The following B3GALNT1 variants were observed in gnomAD, a reference collection of about 807,000 sequenced individuals.
The protein encoded by B3GALNT1 is beta-1,3-N-acetylgalactosaminyltransferase 1 (Globoside blood group).
A neutral mutation model predicts 27.3 loss-of-function variants in B3GALNT1; 17 were observed. The ratio of observed to expected loss-of-function variants is 0.62; its 90% confidence interval spans 0.43 to 0.94. The LOEUF (loss-of-function observed/expected upper bound fraction) is 0.94, where lower values mean the gene tolerates loss of function less well. Among genes scored for constraint, B3GALNT1 ranks in the 40% least tolerant of loss-of-function variants. The probability of loss-of-function intolerance (pLI) is 0.00; values close to 1 mark genes in which losing one functional copy is unlikely to be tolerated. For synonymous variants in B3GALNT1, 141 were observed against 144.0 expected (o/e 0.98, Z 0.15); for missense variants, 347 against 390.0 (o/e 0.89, Z 0.93).
intron 4 of B3GALNT1, among the ~76,000 whole-genome samples, chr3:161,089,188 A>C (rs1282289019): frequency 6.6e-6 from 1 of 152,164 alleles, no homozygotes; most frequent in Non-Finnish European, 1.5e-5. Flanking sequence ...TGAAGATATT[A>C]ATATAGTGCA....
intron 4 of B3GALNT1, among the ~76,000 whole-genome samples, chr3:161,097,399 T>G (rs1728780877): frequency 6.6e-6 from 1 of 152,142 alleles, no homozygotes; most frequent in South Asian, 2.1e-4. Flanking sequence ...TGCTCCTAAC[T>G]CCCAAATGTG....
chr3:161,086,437 A>G lies in B3GALNT1; in HGVS notation c.318T>C (p.Ser106=). ...ATGTAAGAACCTCATATCCCCACCA[A>G]GACTTTTTTTCACCCCAAGTAACTC... The part of the protein sequence containing the change: ...AIRVTWGEKK[S]WWGYEVLTFF... Residue 106 remains serine (S), a synonymous_variant, in exon 5 of 5, where the codon TCT becomes TCC. Transcript: ENST00000320474. 4 of 1,613,980 alleles carry G rather than the reference A, an allele frequency of 2.5e-6. No individual in the cohort carries two copies. The highest frequency in any genetic ancestry group is 1.3e-5 in the African/African-American group (1 of 75,058).
chr3:161,084,260 G>A lies in B3GALNT1; in HGVS notation c.*1499C>T, dbSNP rs1245483548. On this transcript the variant is annotated 3_prime_UTR_variant, in exon 5 of 5. Transcript: ENST00000320474. Reference sequence around the variant, plus strand: ...AACAAGGGCATAGATCGATTCTATAGAATATTTCATTTAATTGATTTTATT... The same window carrying A: ...AACAAGGGCATAGATCGATTCTATAAAATATTTCATTTAATTGATTTTATT... The A allele has an allele frequency of 6.6e-6, 1 of 152,164 alleles. No homozygotes were observed. Among genetic ancestry groups the A allele is most frequent in the Non-Finnish European group, 1.5e-5 (1 of 68,032 alleles). The allele number at this position is 152,164 out of a possible 1,614,324, so 9.4% of individuals were successfully genotyped here.
intron 4 of B3GALNT1, among the ~76,000 whole-genome samples, chr3:161,099,380 G>A (rs772130381): frequency 1.3e-5 from 2 of 152,300 alleles, no homozygotes; most frequent in South Asian, 2.1e-4. Context: ...GAAATTTGAT[G>A]GGAACACATT....
chr3:161,104,523 C>T (rs1733225186), intron 1 of B3GALNT1, 117 bp from the exon 2 acceptor site: 2 of 411,878 alleles, frequency 4.9e-6, no homozygotes, highest in Non-Finnish European at 8.7e-6. Context: ...TTGAGGATGG[C>T]ATCATTCCTT....
At chr3:161,100,573 T>A (rs1202877510) in intron 4 of B3GALNT1, among the ~76,000 whole-genome samples, 1 of 152,222 alleles carries the variant, frequency 6.6e-6, no homozygotes, top group Non-Finnish European at 1.5e-5. Flanking sequence ...TATACTGTTA[T>A]ACAAACTACT....
At chr3:161,100,830 G>A (rs1049716144) in intron 4 of B3GALNT1, among the ~76,000 whole-genome samples, 1 of 151,270 alleles carries the variant, frequency 6.6e-6, no homozygotes. Flanking sequence ...TTTTAGCAGG[G>A]CTGTTTTTTT....
intron 1 of B3GALNT1, 100 bp from the exon 2 acceptor site, chr3:161,104,506 C>CCCGTACTTGAGGATGGCATCATT (rs879607350): frequency 1.5e-5 from 7 of 453,152 alleles, no homozygotes; most frequent in Admixed American, 7.1e-5. Context: ...TCAAAGACTA[C>CCCGTACTTGAGGATGGCATCATT]CCGTACTTGA....
intron 3 of B3GALNT1, among the ~76,000 whole-genome samples, chr3:161,101,590 A>G (rs769956061): frequency 2.6e-5 from 4 of 152,126 alleles, no homozygotes; most frequent in Non-Finnish European, 5.9e-5. Context: ...TGGAAGACTC[A>G]CAACGACACA....
intron 4 of B3GALNT1, among the ~76,000 whole-genome samples, chr3:161,100,189 G>C (rs1363080797): frequency 6.6e-6 from 1 of 152,156 alleles, no homozygotes; most frequent in African/African-American, 2.4e-5. Flanking sequence ...CCACAACTTT[G>C]TTATTGATGT....
chr3:161,084,723 G>A lies in B3GALNT1; in HGVS notation c.*1036C>T, dbSNP rs1279985466. The A allele has an allele frequency of 6.6e-6, 1 of 152,044 alleles. No homozygotes were observed. The highest frequency in any genetic ancestry group is 6.5e-5 in the Admixed American group (1 of 15,276). 9.4% of individuals were successfully genotyped at this position (152,044 alleles called of 1,614,324 possible). A position where few individuals can be genotyped will look rare whatever the true frequency, so the allele number is the denominator to read the frequency against. Reference sequence around the variant, plus strand: ...AGCAGCTCAAACTGATTGTTAAAAGGAAAAAACACAGGGCAGATTAATAAT... The same window carrying A: ...AGCAGCTCAAACTGATTGTTAAAAGAAAAAAACACAGGGCAGATTAATAAT... On this transcript the variant is annotated 3_prime_UTR_variant, in exon 5 of 5. Coordinates refer to ENST00000320474, the MANE Select transcript of B3GALNT1 (RefSeq NM_003781.4).
chr3:161,091,546 C>G (rs560963231), intron 4 of B3GALNT1, among the ~76,000 whole-genome samples: 1 of 152,182 alleles, frequency 6.6e-6, no homozygotes, highest in African/African-American at 2.4e-5. Context: ...TATATGCTAC[C>G]CACCTGTTAG....
In B3GALNT1 at chr3:161,086,614, C is replaced by G; in HGVS notation, c.141G>C (p.Val47=). The G allele has an allele frequency of 6.2e-7, 1 of 1,614,174 alleles. No individual in the cohort carries two copies. Among genetic ancestry groups the G allele is most frequent in the East Asian group, 2.2e-5 (1 of 44,882 alleles). Residue 47 remains valine, a synonymous_variant, in exon 5 of 5, where the codon GTG becomes GTC. Coordinates refer to ENST00000320474, the MANE Select transcript of B3GALNT1 (RefSeq NM_003781.4). ...SLPHYNVIER[V]NWMYFYEYEP... The stretch of plus-strand genomic sequence containing the variant: ...CATACTCATAGAAGTACATCCAGTT[C>G]ACGCGTTCTATCACATTGTAGTGGG...
rs1265852362 is a variant in B3GALNT1 at position 161,085,505 on chromosome 3, T to C, written c.*254A>G. On this transcript the variant is annotated 3_prime_UTR_variant, in exon 5 of 5. Coordinates refer to ENST00000320474, the MANE Select transcript of B3GALNT1 (RefSeq NM_003781.4). ...TAGTCTACAGAATGACATGTCCAAA[T>C]TGTTTGGTCCTATTAATTTCTTTAG... 6.1e-6 allele frequency: 3 copies of C among 489,746 alleles called. No homozygotes were observed. Among genetic ancestry groups the C allele is most frequent in the African/African-American group, 5.8e-5 (3 of 51,604 alleles). The allele number at this position is 489,746 out of a possible 1,614,324, so 30.3% of individuals were successfully genotyped here.
rs1002788960 is a variant in B3GALNT1 at position 161,084,411 on chromosome 3, G to A, written c.*1348C>T. On this transcript the variant is annotated 3_prime_UTR_variant, in exon 5 of 5. Coordinates refer to ENST00000320474, the MANE Select transcript of B3GALNT1 (RefSeq NM_003781.4). ...CATAAATATGAGTATTACAAGAGCT[G>A]ACTACATACTTTCAAGTTTATATTT... The A allele has an allele frequency of 6.6e-6, 1 of 152,156 alleles. No individual in the cohort carries two copies. The highest frequency in any genetic ancestry group is 2.4e-5 in the African/African-American group (1 of 41,438). The allele number at this position is 152,156 out of a possible 1,614,324, so 9.4% of individuals were successfully genotyped here. A position where few individuals can be genotyped will look rare whatever the true frequency, so the allele number is the denominator to read the frequency against.
Position 161,084,937 on chromosome 3 carries a change from C to T in B3GALNT1, c.*822G>A, listed in dbSNP as rs1456030191. 6.6e-6 allele frequency: 1 copy of T among 152,152 alleles called. No individual in the cohort carries two copies. The highest frequency in any genetic ancestry group is 6.6e-5 in the Admixed American group (1 of 15,258). 9.4% of individuals were successfully genotyped at this position (152,152 alleles called of 1,614,324 possible). A position where few individuals can be genotyped will look rare whatever the true frequency, so the allele number is the denominator to read the frequency against. On this transcript the variant is annotated 3_prime_UTR_variant, in exon 5 of 5. Coordinates refer to ENST00000320474, the MANE Select transcript of B3GALNT1 (RefSeq NM_003781.4). ...TGGAAAAATGAGACAAATTAAGTGA[C>T]TTCTAAAAACACTAGGAACTGTATT...
At chr3:161,089,097 C>T (rs1487112517) in intron 4 of B3GALNT1, among the ~76,000 whole-genome samples, 1 of 152,234 alleles carries the variant, frequency 6.6e-6, no homozygotes, top group Non-Finnish European at 1.5e-5. Flanking sequence ...CCAAAGTCCA[C>T]TCTCCAGCTC....
rs200497830 is a variant in B3GALNT1, at chr3:161,098,875, T to C, written c.-35+2264A>G. Among the ~76,000 whole-genome samples the C allele has an allele frequency of 3.4e-4, 52 of 152,316 alleles. No individual in the cohort carries two copies. In the East Asian group the frequency reaches 8.7e-3, roughly 25 times the overall value. On this transcript the variant is annotated intron_variant, in intron 4 of 4. Transcript: ENST00000320474. The stretch of plus-strand genomic sequence containing the variant: ...TCACTGAGAATGCTCTGTTTGACTA[T>C]CCTAAGCCCCATTTTCAATAGGGTT...
chr3:161,102,919 G>C (rs1023147922), intron 3 of B3GALNT1, among the ~76,000 whole-genome samples: 1 of 152,152 alleles, frequency 6.6e-6, no homozygotes, highest in Non-Finnish European at 1.5e-5. Context: ...TCCATCCAAA[G>C]GGGAAAGAGA....
Sources: allele counts gnomAD v4.1 joint callset (sites outside exome capture counted in the v4.1 genomes callset), GRCh38; gene constraint gnomAD v4.1.1; transcripts MANE v1.5; gene names NCBI Gene and HGNC (gene_info 2026-07-23, HGNC 2026-07-21).